The following TRIQK variants were observed in gnomAD, a reference collection of about 807,000 sequenced individuals.
TRIQK encodes the protein triple QxxK/R motif containing, also known as triple QxxK/R motif-containing protein.
A neutral mutation model predicts 10.8 loss-of-function variants in TRIQK; 10 were observed. That is an observed-to-expected ratio of 0.92 (90% CI 0.57 to 1.57). The LOEUF (loss-of-function observed/expected upper bound fraction) is 1.57, where lower values mean the gene tolerates loss of function less well. Ranked by LOEUF, TRIQK falls within the 40% of genes most tolerant of loss-of-function variation. The pLI, the probability that TRIQK is intolerant of heterozygous loss-of-function variation, is 0.00. For missense variants in TRIQK, 107 were observed against 97.7 expected (o/e 1.09, Z -0.40); for synonymous variants, 33 against 33.7 (o/e 0.98, Z 0.07).
intron 1 of TRIQK, among the ~76,000 whole-genome samples, chr8:92,992,550 C>G (rs2130751016): frequency 6.6e-6 from 1 of 152,236 alleles, no homozygotes; most frequent in South Asian, 2.1e-4. Context: ...GTCTCAGGCC[C>G]AAGACTTCAC....
chr8:92,887,819 T>C (rs2130232674), intron 4 of TRIQK, among the ~76,000 whole-genome samples: 1 of 151,858 alleles, frequency 6.6e-6, no homozygotes, highest in East Asian at 1.9e-4. Context: ...AATTTATAAA[T>C]AGATCTTTTA....
intron 3 of TRIQK, among the ~76,000 whole-genome samples, chr8:92,898,887 G>A (rs1354221868): frequency 7.7e-6 from 1 of 129,688 alleles, no homozygotes; most frequent in Non-Finnish European, 1.6e-5. Context: ...GGGGGTACAT[G>A]AGCTATTTTG....
chr8:92,980,403 G>A (rs189922007), intron 1 of TRIQK, among the ~76,000 whole-genome samples: 2 of 152,026 alleles, frequency 1.3e-5, no homozygotes, highest in East Asian at 3.9e-4. Flanking sequence ...ACGCGCGTGT[G>A]TGTTCATTTT....
chr8:92,990,693 T>A (rs1813087074), intron 1 of TRIQK, among the ~76,000 whole-genome samples: 1 of 152,152 alleles, frequency 6.6e-6, no homozygotes. Flanking sequence ...CTTGAGGGAC[T>A]GTGCCATGAA....
intron 1 of TRIQK, among the ~76,000 whole-genome samples, chr8:93,013,847 G>A (rs1241410767): frequency 6.6e-6 from 1 of 152,098 alleles, no homozygotes; most frequent in African/African-American, 2.4e-5. Flanking sequence ...ATAGAGGAAA[G>A]AGAAAGGATT....
At chr8:92,899,274 T>C (rs1808794552) in intron 3 of TRIQK, among the ~76,000 whole-genome samples, 1 of 152,016 alleles carries the variant, frequency 6.6e-6, no homozygotes, top group African/African-American at 2.4e-5. Context: ...CATGAGCCAC[T>C]GCACTTGGCC....
chr8:92,956,212 G>A (rs1211170146), intron 1 of TRIQK, among the ~76,000 whole-genome samples: 2 of 151,772 alleles, frequency 1.3e-5, no homozygotes, highest in African/African-American at 2.4e-5. Context: ...TAAAAAGAAT[G>A]AAATATTGAT....
At chr8:92,889,984 C>T (rs1484327615) in intron 4 of TRIQK, among the ~76,000 whole-genome samples, 3 of 151,680 alleles carry the variant, frequency 2.0e-5, no homozygotes, top group Non-Finnish European at 4.4e-5. Flanking sequence ...GATAAGATAT[C>T]ACAATATTAT....
At chr8:92,901,833 G>A (rs994227406) in intron 3 of TRIQK, among the ~76,000 whole-genome samples, 19 of 151,958 alleles carry the variant, frequency 1.3e-4, no homozygotes, top group South Asian at 4.1e-4. Context: ...TTTCTTCCTC[G>A]AATGTTTGGT....
At chr8:92,937,786 C>G (rs1439958688) in intron 2 of TRIQK, among the ~76,000 whole-genome samples, 2 of 151,816 alleles carry the variant, frequency 1.3e-5, no homozygotes, top group Non-Finnish European at 2.9e-5. Context: ...CAAAAGTAAA[C>G]TTCCAATCTC....
At chr8:92,947,473 A>C (rs1811607112) in intron 2 of TRIQK, among the ~76,000 whole-genome samples, 1 of 150,570 alleles carries the variant, frequency 6.6e-6, no homozygotes, top group South Asian at 2.1e-4. Flanking sequence ...AATCCCAGCT[A>C]CTCGGGAGGC....
intron 2 of TRIQK, among the ~76,000 whole-genome samples, chr8:92,925,999 G>C (rs570123125): frequency 5.9e-5 from 9 of 152,176 alleles, no homozygotes; most frequent in South Asian, 2.1e-4. Context: ...AGAATGGTGT[G>C]AACCCGGGAG....
chr8:92,931,140 GC>G (rs754434970), intron 2 of TRIQK, among the ~76,000 whole-genome samples: 5 of 152,090 alleles, frequency 3.3e-5, no homozygotes, highest in Non-Finnish European at 5.9e-5. Flanking sequence ...AATGTTAATT[GC>G]ATTTGACTAA....
rs558463120 is a variant in TRIQK at position 93,012,111 on chromosome 8, T to C, written c.-181+5498A>G. On this transcript the variant is annotated intron_variant, in intron 1 of 4. Coordinates refer to the TRIQK transcript ENST00000520686. ...ATAAAAAGCCAAGGGAATAAATTGATAGGAATTAGAAATGGCTGGGAAAGC... is the reference window on the plus strand; with the variant it reads ...ATAAAAAGCCAAGGGAATAAATTGACAGGAATTAGAAATGGCTGGGAAAGC... Among the ~76,000 whole-genome samples the C allele has an allele frequency of 3.9e-5, 6 of 152,276 alleles. No homozygotes were observed. The South Asian group carries it at 1.2e-3, about 32-fold the overall frequency.
chr8:92,992,691 G>A (rs1161499578), intron 1 of TRIQK, among the ~76,000 whole-genome samples: 1 of 152,194 alleles, frequency 6.6e-6, no homozygotes, highest in Admixed American at 6.5e-5. Context: ...AACTCCAAGA[G>A]CTTGCTATTT....
chr8:92,990,719 G>A (rs767861103), intron 1 of TRIQK, among the ~76,000 whole-genome samples: 8 of 152,138 alleles, frequency 5.3e-5, no homozygotes, highest in Non-Finnish European at 1.2e-4. Flanking sequence ...GTGCACTCCG[G>A]CCCCAGGTAG....
At chr8:92,972,079 T>C (rs981653555) in intron 1 of TRIQK, among the ~76,000 whole-genome samples, 3 of 152,192 alleles carry the variant, frequency 2.0e-5, no homozygotes, top group African/African-American at 7.2e-5. Context: ...ATTAATAATC[T>C]TAGATTAGAT....
intron 1 of TRIQK, among the ~76,000 whole-genome samples, chr8:92,992,180 C>A (rs1416928428): frequency 6.6e-6 from 1 of 152,070 alleles, no homozygotes; most frequent in East Asian, 1.9e-4. Context: ...CAAAAGCAAT[C>A]CACTGCTGGG....
chr8:92,982,640 T>G (rs1223570367), intron 1 of TRIQK, among the ~76,000 whole-genome samples: 3 of 152,036 alleles, frequency 2.0e-5, no homozygotes, highest in Non-Finnish European at 4.4e-5. Flanking sequence ...GTTAAATGGT[T>G]GAATAGATTA....
Sources: gnomAD v4.1 joint callset for allele counts (sites outside exome capture counted in the v4.1 genomes callset) on GRCh38, gnomAD v4.1.1 for gene constraint, MANE v1.5 for transcripts, NCBI Gene and HGNC (gene_info 2026-07-23, HGNC 2026-07-21) for gene names.